The following SHANK2 variants were observed in gnomAD, a reference collection of about 807,000 sequenced individuals.
The protein encoded by SHANK2 is SH3 and multiple ankyrin repeat domains 2.
A neutral mutation model predicts 133.7 loss-of-function variants in SHANK2; 43 were observed. The ratio of observed to expected loss-of-function variants is 0.32; its 90% CI spans 0.25 to 0.41. The LOEUF (loss-of-function observed/expected upper bound fraction) is 0.41, where lower values mean the gene tolerates loss of function less well. Among genes scored for constraint, SHANK2 ranks in the 10% least tolerant of loss-of-function variants. The pLI is 1.00. For synonymous variants in SHANK2, 1,017 were observed against 952.8 expected, an observed-to-expected ratio of 1.07 and a Z score of -1.24; for missense variants, 1,994 against 2,235.8, an observed-to-expected ratio of 0.89 and a Z score of 2.18.
chr11:71,083,640 G>C (rs1469858394), intron 8 of SHANK2, among the ~76,000 whole-genome samples: 6 of 152,182 alleles, frequency 3.9e-5, no homozygotes. Flanking sequence ...AGAGAGCCAG[G>C]CTTTGCCCCA....
At chr11:71,238,255 TG>T (rs1390385360) in intron 1 of SHANK2, among the ~76,000 whole-genome samples, 2 of 152,258 alleles carry the variant, frequency 1.3e-5, no homozygotes, top group African/African-American at 4.8e-5. Context: ...AACAGGCCAG[TG>T]GGCAGCCCTG....
chr11:70,557,806 T>G (rs1036281710), intron 17 of SHANK2, among the ~76,000 whole-genome samples: 32 of 152,168 alleles, frequency 2.1e-4, no homozygotes, highest in African/African-American at 7.7e-4. Context: ...CAAGCGGCTT[T>G]CTTCATGCAC....
chr11:71,106,700 T>A (rs1951806523), intron 6 of SHANK2, among the ~76,000 whole-genome samples: 1 of 152,198 alleles, frequency 6.6e-6, no homozygotes, highest in African/African-American at 2.4e-5. Context: ...GTGCCTGTAG[T>A]CCCAGCTATT....
chr11:70,895,203 G>A (rs1193983309), intron 11 of SHANK2, among the ~76,000 whole-genome samples: 1 of 152,208 alleles, frequency 6.6e-6, no homozygotes, highest in East Asian at 1.9e-4. Flanking sequence ...ATCCTCGTGC[G>A]GTTCTCCAAG....
intron 10 of SHANK2, among the ~76,000 whole-genome samples, chr11:70,951,554 C>CGCG (rs1950842435): frequency 9.5e-6 from 1 of 105,696 alleles, no homozygotes; most frequent in Non-Finnish European, 2.1e-5. Flanking sequence ...CTGGCTGCTG[C>CGCG]GTGGTGACGT....
At chr11:70,507,528 C>T (rs2059151099) in intron 17 of SHANK2, among the ~76,000 whole-genome samples, 1 of 152,184 alleles carries the variant, frequency 6.6e-6, no homozygotes, top group African/African-American at 2.4e-5. Context: ...TGTGAGGGGC[C>T]TGCAACAGCC....
chr11:70,896,691 C>T (rs968422861), intron 10 of SHANK2, 124 bp from the exon 11 acceptor site: 23 of 623,700 alleles, frequency 3.7e-5, no homozygotes, highest in Middle Eastern at 5.3e-4. Context: ...AAATGGCAGC[C>T]GCAATATCAA....
At chr11:71,076,896 C>G (rs1376076511) in intron 8 of SHANK2, among the ~76,000 whole-genome samples, 2 of 152,204 alleles carry the variant, frequency 1.3e-5, no homozygotes, top group African/African-American at 4.8e-5. Flanking sequence ...AAAGTTCTTT[C>G]CTTCTTCCAG....
intron 14 of SHANK2, among the ~76,000 whole-genome samples, chr11:70,723,235 A>G (rs1396431635): frequency 6.6e-6 from 1 of 152,104 alleles, no homozygotes; most frequent in African/African-American, 2.4e-5. Flanking sequence ...ACATGACTTC[A>G]TGCACATGAT....
intron 14 of SHANK2, among the ~76,000 whole-genome samples, chr11:70,736,925 T>G (rs1282400252): frequency 6.6e-6 from 1 of 152,182 alleles, no homozygotes; most frequent in Non-Finnish European, 1.5e-5. Context: ...GAATTCAGCC[T>G]CTTCCTTGCG....
In SHANK2 at chr11:70,490,363, C is replaced by T. The variant is rs781983283; in HGVS notation, c.2464G>A (p.Ala822Thr). Residue 822 changes from alanine (A) to threonine (T), a missense_variant, in exon 23 of 26, where the codon GCC (alanine) becomes ACC (threonine). By Grantham distance (58) the Ala-to-Thr change is moderately conservative. Around this residue, in one of 5 missense-constraint regions of SHANK2, gnomAD observed 488 missense variants for 642.6 expected, o/e 0.76. Coordinates refer to ENST00000601538, the MANE Select transcript of SHANK2 (RefSeq NM_012309.5). The part of the protein sequence containing the change: ...MNSVYERQGI[A>T]VMTPTVPGSP... The stretch of plus-strand genomic sequence containing the variant: ...CCAGGAACAGTGGGCGTCATCACGG[C>T]GATTCCTTGGCGTTCGTACACAGAC... The T allele has an allele frequency of 1.5e-5, 25 of 1,614,078 alleles. 1 individual carries two copies. The highest frequency in any genetic ancestry group is 4.5e-5 in the East Asian group (2 of 44,900).
chr11:71,104,782 CAAAT>C (rs1951777608), intron 6 of SHANK2, among the ~76,000 whole-genome samples: 1 of 152,202 alleles, frequency 6.6e-6, no homozygotes, highest in East Asian at 1.9e-4. Flanking sequence ...TTGGAAAAAA[CAAAT>C]GAGAATTCTT....
At chr11:70,803,452 C>T (rs997379245) in intron 13 of SHANK2, among the ~76,000 whole-genome samples, 3 of 25,836 alleles carry the variant, frequency 1.2e-4, no homozygotes, top group Non-Finnish European at 1.7e-4. Context: ...GCTTGGGAAA[C>T]AAACAAGAAG....
At chr11:70,558,414 A>G (rs1464593915) in intron 17 of SHANK2, among the ~76,000 whole-genome samples, 1 of 152,228 alleles carries the variant, frequency 6.6e-6, no homozygotes, top group Non-Finnish European at 1.5e-5. Flanking sequence ...CGTGCCTGTC[A>G]CCGCCACAGA....
chr11:71,191,979 G>C (rs2135584274), intron 2 of SHANK2, among the ~76,000 whole-genome samples: 1 of 152,144 alleles, frequency 6.6e-6, no homozygotes, highest in South Asian at 2.1e-4. Context: ...TCCTGCCTCA[G>C]CCTCCTGAAT....
At chr11:70,857,263 G>C (rs1056135607) in intron 11 of SHANK2, among the ~76,000 whole-genome samples, 1 of 152,206 alleles carries the variant, frequency 6.6e-6, no homozygotes, top group African/African-American at 2.4e-5. Flanking sequence ...TGGGAATAAT[G>C]CAAGTAGCAC....
At chr11:71,119,668 T>C (rs1233861537) in intron 3 of SHANK2, among the ~76,000 whole-genome samples, 3 of 152,012 alleles carry the variant, frequency 2.0e-5, no homozygotes, top group East Asian at 3.9e-4. Flanking sequence ...CTCACTTGCA[T>C]GGCACTTCTC....
chr11:70,793,949 T>C (rs116244420), intron 14 of SHANK2, among the ~76,000 whole-genome samples: 2,577 of 152,166 alleles, frequency 0.017, 62 homozygotes, highest in African/African-American at 0.059. Flanking sequence ...CAAACTGTGG[T>C]GTAAATACAC....
Position 70,740,592 on chromosome 11 carries a change from C to G in SHANK2, c.1778-41829G>C, listed in dbSNP as rs540287720. On this transcript the variant is annotated intron_variant, in intron 14 of 25. Transcript: ENST00000601538. ...GACTGAAGTCTTCCTGTTCCTCCCCCTCACCCCCTGCCCGGTTGGATAGGC... is the reference window on the plus strand; with the variant it reads ...GACTGAAGTCTTCCTGTTCCTCCCCGTCACCCCCTGCCCGGTTGGATAGGC... Among the ~76,000 whole-genome samples the G allele has an allele frequency of 4.7e-3, 719 of 152,296 alleles. 10 individuals are homozygous for G. Among genetic ancestry groups the G allele is most frequent in the Middle Eastern group, 0.014 (4 of 294 alleles).
Sources: allele counts gnomAD v4.1 joint callset (sites outside exome capture counted in the v4.1 genomes callset), GRCh38; gene constraint gnomAD v4.1.1; regional missense constraint gnomAD v4.1.1; transcripts MANE v1.5; gene names NCBI Gene and HGNC (gene_info 2026-07-23, HGNC 2026-07-21).